The following NDUFS2 variants were observed in gnomAD, a reference collection of about 807,000 sequenced individuals.
The protein encoded by NDUFS2 is NADH:ubiquinone oxidoreductase core subunit S2.
A neutral mutation model predicts 69.6 loss-of-function variants in NDUFS2; 38 were observed. The observed-to-expected ratio is 0.55, with a 90% CI of 0.42 to 0.72. The LOEUF is 0.72. NDUFS2 is among the 30% of genes least tolerant of loss of function. The probability of loss-of-function intolerance (pLI) is 0.00; values close to 1 mark genes in which losing one functional copy is unlikely to be tolerated. For missense variants in NDUFS2, 468 were observed against 595.0 expected (o/e 0.79, Z 2.22); for synonymous variants, 194 against 211.2 (o/e 0.92, Z 0.70).
At chr1:161,197,958 G>A (rs374362839), upstream of NDUFS2, 8 of 1,523,864 alleles carry the variant, frequency 5.2e-6, no homozygotes, top group East Asian at 2.3e-5. Context: ...GACATGGCGG[G>A]AGGACACCGC....
rs1571615751 is a variant in NDUFS2 at position 161,209,899 on chromosome 1, G to A, written c.670G>A (p.Ala224Thr). The change falls in exon 6 of 14, where the codon GCT (alanine) becomes ACT (threonine). Residue 224 changes from alanine (A) to threonine (T), a missense_variant. Around this residue, in one of 3 missense-constraint regions of NDUFS2, gnomAD observed 339 missense variants for 433.8 expected, o/e 0.78. Coordinates refer to ENST00000676972, the MANE Select transcript of NDUFS2 (RefSeq NM_001377299.1). ...GCGAGTGTCTGGAGCCCGAATGCATGCTGCTTATATCCGGCCAGGAGGAGT... is the reference window on the plus strand; with the variant it reads ...GCGAGTGTCTGGAGCCCGAATGCATACTGCTTATATCCGGCCAGGAGGAGT... ...YERVSGARMH[A>T]AYIRPGGVHQ... The A allele has an allele frequency of 1.2e-6, 2 of 1,613,980 alleles. No individual in the cohort carries two copies. Among genetic ancestry groups the A allele is most frequent in the African/African-American group, 1.3e-5 (1 of 74,910 alleles).
upstream of NDUFS2, among the ~76,000 whole-genome samples, chr1:161,201,670 C>A (rs1665127764): frequency 6.6e-6 from 1 of 152,164 alleles, no homozygotes; most frequent in South Asian, 2.1e-4. Flanking sequence ...GTCTGTGATT[C>A]TGTAGGTTCG....
At chr1:161,201,527 C>T (rs79158418), upstream of NDUFS2, among the ~76,000 whole-genome samples, 207 of 152,340 alleles carry the variant, frequency 1.4e-3, 1 homozygote, top group African/African-American at 4.3e-3. Flanking sequence ...TGATCAGACT[C>T]CTGGTGCTAC....
At chr1:161,213,579 T>C in intron 11 of NDUFS2, 70 bp from the exon 12 acceptor site, 2 of 1,559,058 alleles carry the variant, frequency 1.3e-6, no homozygotes, top group Non-Finnish European at 1.8e-6. Context: ...ACAGAATGAA[T>C]AGAGGTTTTG....
intron 13 of NDUFS2, 64 bp from the exon 14 acceptor site, chr1:161,214,088 TTTTG>T: frequency 6.2e-7 from 1 of 1,613,826 alleles, no homozygotes; most frequent in South Asian, 1.1e-5. Context: ...ACACCACTTT[TTTTG>T]TTTGTTTTGC....
intron 2 of NDUFS2, 137 bp from the exon 3 acceptor site, chr1:161,206,270 T>A: frequency 1.1e-6 from 1 of 880,618 alleles, no homozygotes; most frequent in Non-Finnish European, 1.8e-6. Context: ...TCTTCCTGGT[T>A]ATAGTGGAGA....
Position 161,209,923 on chromosome 1 carries a change from G to A in NDUFS2, c.694G>A (p.Val232Met). The A allele has an allele frequency of 6.2e-7, 1 of 1,614,064 alleles. No individual in the cohort carries two copies. The highest frequency in any genetic ancestry group is 8.5e-7 in the Non-Finnish European group (1 of 1,180,002). Residue 232 changes from valine (V) to methionine (M), a missense_variant, in exon 6 of 14, where the codon GTG (valine) becomes ATG (methionine). Transcript: ENST00000676972. ...TGCTGCTTATATCCGGCCAGGAGGAGTGCACCAGGTGAGCAGGTCCCCGGC... is the reference window on the plus strand; with the variant it reads ...TGCTGCTTATATCCGGCCAGGAGGAATGCACCAGGTGAGCAGGTCCCCGGC... ...MHAAYIRPGG[V>M]HQDLPLGLMD...
chr1:161,207,867 C>T (rs1665558881), intron 3 of NDUFS2, among the ~76,000 whole-genome samples: 1 of 150,968 alleles, frequency 6.6e-6, no homozygotes, highest in South Asian at 2.1e-4. Context: ...GGCTGGAGTG[C>T]AGTGGCGTGA....
chr1:161,209,832 C>CT, intron 5 of NDUFS2, 25 bp from the exon 6 acceptor site: 1 of 1,611,932 alleles, frequency 6.2e-7, no homozygotes, highest in Non-Finnish European at 8.5e-7. Flanking sequence ...GACTTTGACA[C>CT]TAATTCCCAG....
In NDUFS2 at chr1:161,213,853, A is replaced by T. The variant is rs1571625021; in HGVS notation, c.1297-11A>T. 1 of 1,614,044 alleles carries T rather than the reference A, an allele frequency of 6.2e-7. No individual in the cohort carries two copies. On this transcript the variant is annotated splice_polypyrimidine_tract_variant and intron_variant, in intron 12 of 13. Coordinates refer to ENST00000676972, the MANE Select transcript of NDUFS2 (RefSeq NM_001377299.1). ...TCTTAACTAACATTGTTGCCATCTC[A>T]ATCTCCCTAGGCTGGTTTGGACAAG...
At position 161,212,455 on chromosome 1, in the gene NDUFS2, C is replaced by G. The variant is rs752734343; in HGVS notation, c.1091C>G (p.Ser364Cys). ...ATCAAGGTTGATGATGCCAAAGTGT[C>G]TCCACCTAAGCGAGCAGAGATGAAG... ...GEIKVDDAKVSPPKRAEMKTS... is the reference protein window; with the variant it reads ...GEIKVDDAKVCPPKRAEMKTS... Residue 364 changes from serine (S) to cysteine (C), a missense_variant, in exon 10 of 14, where the codon TCT becomes TGT. By Grantham distance (112) the Ser-to-Cys change is moderately radical. This residue lies in a region of NDUFS2 where 339 missense variants were observed against 433.8 expected (regional missense o/e 0.78). Coordinates refer to ENST00000676972, the MANE Select transcript of NDUFS2 (RefSeq NM_001377299.1). 2.5e-6 allele frequency: 4 copies of G among 1,613,716 alleles called. No homozygotes were observed. The highest frequency in any genetic ancestry group is 2.5e-6 in the Non-Finnish European group (3 of 1,179,904).
chr1:161,205,928 T>TG (rs768565778), intron 2 of NDUFS2, among the ~76,000 whole-genome samples: 27 of 152,302 alleles, frequency 1.8e-4, no homozygotes, highest in Admixed American at 1.6e-3. Context: ...CTAAACAGGC[T>TG]GGGTTAAAAT....
chr1:161,210,812 G>A lies in NDUFS2; in HGVS notation c.986+102G>A, dbSNP rs925705082. ...TTTACCCTACTTCTCAGTGTCTGTG[G>A]GAGCTCTTGTGTGTGTTAGACGAGG... On this transcript the variant is annotated intron_variant, in intron 9 of 13. Coordinates refer to ENST00000676972, the MANE Select transcript of NDUFS2 (RefSeq NM_001377299.1). The A allele has an allele frequency of 5.1e-6, 8 of 1,558,166 alleles. No homozygotes were observed. In the Admixed American group the frequency reaches 1.4e-4, roughly 27 times the overall value.
Position 161,202,395 on chromosome 1 carries a change from C to T in NDUFS2, c.10C>T (p.Leu4=), listed in dbSNP as rs770402382. The T allele has an allele frequency of 8.1e-6, 13 of 1,611,944 alleles. No homozygotes were observed. The highest frequency in any genetic ancestry group is 1.1e-5 in the Non-Finnish European group (13 of 1,179,388). Reference sequence around the variant, plus strand: ...CTGCAGCCGGAGTAAGATGGCGGCGCTGAGGGCTTTGTGCGGCTTCCGGGG... The same window carrying T: ...CTGCAGCCGGAGTAAGATGGCGGCGTTGAGGGCTTTGTGCGGCTTCCGGGG... MAA[L]RALCGFRGVA... is the part of the protein sequence containing the mutation. Residue 4 remains leucine, a synonymous_variant, in exon 1 of 14, where the codon CTG becomes TTG. Transcript: ENST00000676972.
rs1473401000 is a variant in NDUFS2 at position 161,213,921 on chromosome 1, G to A, written c.1354G>A (p.Gly452Ser). 2 of 1,614,076 alleles carry A rather than the reference G, an allele frequency of 1.2e-6. No homozygotes were observed. Residue 452 changes from glycine to serine, a missense_variant and splice_region_variant, in exon 13 of 14, where the codon GGT (glycine) becomes AGT (serine). This residue lies in a region of NDUFS2 where 72 missense variants were observed against 118.9 expected (regional missense o/e 0.61). Coordinates refer to ENST00000676972, the MANE Select transcript of NDUFS2 (RefSeq NM_001377299.1). ...HMLADVVAIIGTQDIVFGEVD... is the reference protein window; with the variant it reads ...HMLADVVAIISTQDIVFGEVD... ...GTTGGCAGATGTCGTTGCCATCATA[G>A]GTACGAGGCCTATTGTGTAGTAGAG...
intron 12 of NDUFS2, 22 bp downstream of exon 12, chr1:161,213,754 T>C: frequency 6.2e-7 from 1 of 1,613,888 alleles, no homozygotes. Flanking sequence ...TCCCAGTAAC[T>C]ATAACTCCAA....
chr1:161,200,747 AAG>A (rs1665081545), upstream of NDUFS2, among the ~76,000 whole-genome samples: 1 of 152,146 alleles, frequency 6.6e-6, no homozygotes, highest in Non-Finnish European at 1.5e-5. Flanking sequence ...GGGCAGGGGC[AAG>A]AGGAGCTATC....
chr1:161,203,830 G>A (rs1446203679), intron 2 of NDUFS2: 2 of 421,080 alleles, frequency 4.7e-6, no homozygotes, highest in Non-Finnish European at 9.0e-6. Flanking sequence ...TCAAACTCCT[G>A]GCCTCAGGTA....
At chr1:161,198,671 A>C (rs1664979181), upstream of NDUFS2, 2 of 1,442,708 alleles carry the variant, frequency 1.4e-6, no homozygotes, top group East Asian at 2.5e-5. This position sits in a 1 kb window ranked among gnomAD's most constrained non-coding sequence, Gnocchi z 4.7. Context: ...CGTCTAGGGC[A>C]CCAAGTCCTC....
Sources: allele counts gnomAD v4.1 joint callset (sites outside exome capture counted in the v4.1 genomes callset), GRCh38; gene constraint gnomAD v4.1.1; regional missense constraint gnomAD v4.1.1; non-coding constraint Gnocchi (gnomAD v3.1); transcripts MANE v1.5; gene names NCBI Gene and HGNC (gene_info 2026-07-23, HGNC 2026-07-21).